Variants in GATM observed in about 807,000 individuals in gnomAD.
GATM encodes glycine amidinotransferase, mitochondrial.
GATM carries 23 observed loss-of-function variants against 54.2 expected under a neutral mutation model. The ratio of observed to expected loss-of-function variants is 0.42; its 90% CI spans 0.31 to 0.60. The LOEUF (loss-of-function observed/expected upper bound fraction) is 0.60. Ranked by LOEUF, GATM falls within the 20% of genes least tolerant of loss-of-function variation. The probability of loss-of-function intolerance (pLI) is 0.14; values close to 1 mark genes in which losing one functional copy is unlikely to be tolerated. For synonymous variants in GATM, 168 were observed against 183.1 expected (o/e 0.92, Z 0.67); for missense variants, 401 against 544.9 (o/e 0.74, Z 2.63).
At chr15:45,383,292 A>G (rs1889766811), upstream of GATM, among the ~76,000 whole-genome samples, 1 of 152,258 alleles carries the variant, frequency 6.6e-6, no homozygotes, top group African/African-American at 2.4e-5. Flanking sequence ...TTACTGCTCA[A>G]CATCTCCCAA....
Position 45,364,636 on chromosome 15 carries a change from C to T in GATM, c.1042+161G>A, listed in dbSNP as rs927567006. On this transcript the variant is annotated intron_variant, in intron 7 of 8. Transcript: ENST00000396659. Reference sequence around the variant, plus strand: ...GATGAAAAAGTTGCAAACACAAGTCCCAGCCTTGTTCTGATGCTCACAGTC... The same window carrying T: ...GATGAAAAAGTTGCAAACACAAGTCTCAGCCTTGTTCTGATGCTCACAGTC... The T allele has an allele frequency of 7.6e-6, 5 of 662,084 alleles. No individual in the cohort carries two copies. In the Admixed American group the frequency reaches 1.0e-4, roughly 14 times the overall value. 41.0% of individuals were successfully genotyped at this position (662,084 alleles called of 1,614,324 possible). A position where few individuals can be genotyped will look rare whatever the true frequency, so the allele number is the denominator to read the frequency against.
In GATM at chr15:45,377,380, G is replaced by C. The variant is rs879751766; in HGVS notation, c.70-561C>G. 3.0e-5 allele frequency: 12 copies of C among 403,134 alleles called. No homozygotes were observed. In the Admixed American group the frequency reaches 3.7e-4, roughly 12 times the overall value. 25.0% of individuals were successfully genotyped at this position (403,134 alleles called of 1,614,324 possible). A position where few individuals can be genotyped will look rare whatever the true frequency, so the allele number is the denominator to read the frequency against. On this transcript the variant is annotated intron_variant, in intron 1 of 8. Transcript: ENST00000396659. ...TTTTTTCATCTTTGACATACACTTC[G>C]CATTCTTTGGCACTTCAATTCTGAG...
At chr15:45,382,493 C>T (rs184786671), upstream of GATM, among the ~76,000 whole-genome samples, 1 of 152,078 alleles carries the variant, frequency 6.6e-6, no homozygotes, top group Non-Finnish European at 1.5e-5. Context: ...AAAACCCCAT[C>T]TCTACTAAAA....
In GATM at chr15:45,388,801, G is replaced by A. The variant is rs192524266; in HGVS notation, c.-319+8121C>T. 2.8e-4 allele frequency among the ~76,000 whole-genome samples: 43 copies of A among 152,224 alleles called. No individual in the cohort carries two copies. The South Asian group carries it at 3.5e-3, about 13-fold the overall frequency. ...ATTTGCTTAAGGTAGTGTCTGCCGG[G>A]TTTTTCCTCTGTAAAGTTGGTTGGT... is the stretch of plus-strand genomic sequence containing the variant. On this transcript the variant is annotated intron_variant, in intron 3 of 4. Transcript: ENST00000561148.
Position 45,361,915 on chromosome 15 carries a change from G to A in GATM, c.*194C>T, listed in dbSNP as rs1393435457. On this transcript the variant is annotated 3_prime_UTR_variant, in exon 9 of 9. Coordinates refer to ENST00000396659, the MANE Select transcript of GATM (RefSeq NM_001482.3). Reference sequence around the variant, plus strand: ...AATAGTAAATAACTTTAGGAGTAGAGAGTAATACCTAGCAGAAGTTATTTT... The same window carrying A: ...AATAGTAAATAACTTTAGGAGTAGAAAGTAATACCTAGCAGAAGTTATTTT... 4.9e-6 allele frequency: 3 copies of A among 611,688 alleles called. No homozygotes were observed. The highest frequency in any genetic ancestry group is 8.7e-6 in the Non-Finnish European group (3 of 342,966). The allele number at this position is 611,688 out of a possible 1,614,324, so 37.9% of individuals were successfully genotyped here.
intron 2 of GATM, among the ~76,000 whole-genome samples, chr15:45,375,427 CT>C (rs1889616615): frequency 6.6e-6 from 1 of 152,108 alleles, no homozygotes; most frequent in Admixed American, 6.5e-5. Flanking sequence ...TCCTGGAAGA[CT>C]TTGTGAAAGG....
intron 2 of GATM, chr15:45,369,775 C>A: frequency 2.0e-6 from 1 of 489,316 alleles, no homozygotes; most frequent in East Asian, 3.9e-5. Flanking sequence ...TCATGGCCAA[C>A]CACTAACAGC....
chr15:45,381,310 G>T (rs1889738650), upstream of GATM, among the ~76,000 whole-genome samples: 1 of 152,072 alleles, frequency 6.6e-6, no homozygotes, highest in Non-Finnish European at 1.5e-5. Flanking sequence ...GCATAATTTA[G>T]GATAGTGTGT....
intron 3 of GATM, among the ~76,000 whole-genome samples, chr15:45,385,604 A>G (rs373853135): frequency 6.6e-5 from 10 of 152,194 alleles, no homozygotes; most frequent in African/African-American, 2.4e-4. Context: ...AGGATGTGTC[A>G]TTTTAAAATA....
chr15:45,389,704 A>G (rs985482309), intron 3 of GATM, among the ~76,000 whole-genome samples: 3 of 152,182 alleles, frequency 2.0e-5, no homozygotes, highest in Non-Finnish European at 4.4e-5. Context: ...GTAGTGGTAC[A>G]GAAAGTCTCA....
chr15:45,388,999 T>C (rs1840272350), intron 3 of GATM, among the ~76,000 whole-genome samples: 1 of 152,350 alleles, frequency 6.6e-6, no homozygotes, highest in African/African-American at 2.4e-5. Context: ...TTTTCTTAGT[T>C]GGAGGAAGTT....
chr15:45,397,425 C>G (rs947144177), intron 2 of GATM: 1 of 152,108 alleles, frequency 6.6e-6, no homozygotes, highest in African/African-American at 2.4e-5. Context: ...ATTGATCATG[C>G]CTACGTGATG....
chr15:45,367,715 T>G (rs9972498), intron 4 of GATM, among the ~76,000 whole-genome samples: 2 of 152,084 alleles, frequency 1.3e-5, no homozygotes, highest in Non-Finnish European at 2.9e-5. Context: ...CTTTTCTGGT[T>G]CCACTAATGA....
At chr15:45,379,210 A>C (rs16942536), upstream of GATM, 8 of 152,282 alleles carry the variant, frequency 5.3e-5, no homozygotes, top group East Asian at 1.5e-3. Flanking sequence ...CGTTCCTTCC[A>C]TTTCATGTTT....
chr15:45,389,320 G>C (rs528628931), intron 3 of GATM, among the ~76,000 whole-genome samples: 1 of 152,194 alleles, frequency 6.6e-6, no homozygotes, highest in Non-Finnish European at 1.5e-5. Flanking sequence ...CAGTGATGAC[G>C]GTTGAACTTG....
At chr15:45,393,548 C>T (rs1466616251) in intron 3 of GATM, among the ~76,000 whole-genome samples, 1 of 152,152 alleles carries the variant, frequency 6.6e-6, no homozygotes, top group Non-Finnish European at 1.5e-5. Flanking sequence ...CCTTACATTA[C>T]ATGCCAATAG....
chr15:45,397,900 G>T (rs1889952419), intron 2 of GATM, among the ~76,000 whole-genome samples: 1 of 152,208 alleles, frequency 6.6e-6, no homozygotes, highest in South Asian at 2.1e-4. Context: ...ATCTGTGGGA[G>T]AATTTGCTTG....
intron 4 of GATM, among the ~76,000 whole-genome samples, 167 bp from the exon 5 acceptor site, chr15:45,366,675 C>A (rs1889454390): frequency 6.6e-6 from 1 of 152,040 alleles, no homozygotes; most frequent in Non-Finnish European, 1.5e-5. Context: ...ATAAATAAAC[C>A]AAAACAACAA....
Position 45,366,205 on chromosome 15 carries a change from T to A in GATM, c.819A>T (p.Thr273=). ...RDIFAQRSQV[T]NYLGIEWMRR... is the part of the protein sequence containing the mutation. ...GCATCCATTCAATGCCTAGGTAGTTTGTAACCTGAAAACAAAAGAAAGACA... is the reference window on the plus strand; with the variant it reads ...GCATCCATTCAATGCCTAGGTAGTTAGTAACCTGAAAACAAAAGAAAGACA... Residue 273 remains threonine, a synonymous_variant, in exon 6 of 9, where the codon ACA becomes ACT. Transcript: ENST00000396659. 6.2e-7 allele frequency: 1 copy of A among 1,614,154 alleles called. No homozygotes were observed. The highest frequency in any genetic ancestry group is 8.5e-7 in the Non-Finnish European group (1 of 1,180,006).
Sources: gnomAD v4.1 joint callset for allele counts (sites outside exome capture counted in the v4.1 genomes callset) on GRCh38, gnomAD v4.1.1 for gene constraint, MANE v1.5 for transcripts, NCBI Gene and HGNC (gene_info 2026-07-23, HGNC 2026-07-21) for gene names.